CTPS1: variants seen among roughly 807,000 people sequenced by gnomAD.
CTPS1 encodes CTP synthase 1, also known as CTP synthetase 1.
In CTPS1, 25 loss-of-function variants were observed where a neutral mutation model predicts 80.5. The ratio of observed to expected loss-of-function variants is 0.31; its 90% confidence interval spans 0.23 to 0.43. The LOEUF (loss-of-function observed/expected upper bound fraction) is 0.43, where lower values mean the gene tolerates loss of function less well. Ranked by LOEUF, CTPS1 falls within the 20% of genes least tolerant of loss-of-function variation. The probability of loss-of-function intolerance (pLI) is 1.00; values close to 1 mark genes in which losing one functional copy is unlikely to be tolerated. For missense variants in CTPS1, 442 were observed against 725.7 expected (o/e 0.61, Z 4.49); for synonymous variants, 267 against 252.5 (o/e 1.06, Z -0.54).
At chr1:41,005,771 G>A (rs1370139181) in intron 12 of CTPS1, among the ~76,000 whole-genome samples, 1 of 152,100 alleles carries the variant, frequency 6.6e-6, no homozygotes, top group Non-Finnish European at 1.5e-5. Context: ...GGATGTGGTA[G>A]TGTGCCCCTG....
At chr1:40,987,221 C>T (rs1364731154) in intron 3 of CTPS1, 151 bp from the exon 4 acceptor site, 12 of 617,120 alleles carry the variant, frequency 1.9e-5, no homozygotes, top group Non-Finnish European at 3.2e-5. Context: ...TTGTTGAGGC[C>T]AGTTAAAGGG....
Position 40,983,365 on chromosome 1 carries a change from A to G in CTPS1, c.75A>G (p.Thr25=). The change falls in exon 2 of 19, where the codon ACA becomes ACG. Residue 25 remains threonine (T), a synonymous_variant. Coordinates refer to ENST00000650070, the MANE Select transcript of CTPS1 (RefSeq NM_001905.4). Reference sequence around the variant, plus strand: ...GAATCATTGCCAGCAGTGTGGGCACAATACTCAAGTCATGTGGTTTACATG... The same window carrying G: ...GAATCATTGCCAGCAGTGTGGGCACGATACTCAAGTCATGTGGTTTACATG... ...GKGIIASSVG[T]ILKSCGLHVT... The G allele has an allele frequency of 6.2e-7, 1 of 1,614,120 alleles. No individual in the cohort carries two copies. Among genetic ancestry groups the G allele is most frequent in the South Asian group, 1.1e-5 (1 of 91,084 alleles).
At chr1:41,006,707 G>A (rs566171941) in intron 13 of CTPS1, among the ~76,000 whole-genome samples, 11 of 152,184 alleles carry the variant, frequency 7.2e-5, no homozygotes, top group Non-Finnish European at 1.0e-4. Context: ...AAAGGGAAGG[G>A]CACTTATTTA....
intron 1 of CTPS1, among the ~76,000 whole-genome samples, chr1:40,982,328 T>C (rs1642331571): frequency 6.6e-6 from 1 of 152,208 alleles, no homozygotes; most frequent in African/African-American, 2.4e-5. Flanking sequence ...CAGTCTCTCT[T>C]CATTGCATGC....
intron 7 of CTPS1, among the ~76,000 whole-genome samples, chr1:40,993,031 ATTTAAG>A (rs924477034): frequency 9.3e-5 from 14 of 151,264 alleles, no homozygotes; most frequent in Admixed American, 5.3e-4. Flanking sequence ...GTATTTCCAC[ATTTAAG>A]TTTAAGTTTC....
intron 1 of CTPS1, among the ~76,000 whole-genome samples, chr1:40,982,975 T>C (rs1033158639): frequency 6.6e-6 from 1 of 152,230 alleles, no homozygotes; most frequent in African/African-American, 2.4e-5. Flanking sequence ...ATCAGCCAGC[T>C]TAGAGCTGGT....
intron 3 of CTPS1, among the ~76,000 whole-genome samples, chr1:40,986,937 C>T (rs377569926): frequency 6.6e-6 from 1 of 152,212 alleles, no homozygotes; most frequent in East Asian, 1.9e-4. Context: ...TGTGCTGGCT[C>T]ACTGCAGTGG....
At chr1:40,997,355 T>G in intron 8 of CTPS1, 39 bp from the exon 9 acceptor site, 1 of 1,602,724 alleles carries the variant, frequency 6.2e-7, no homozygotes, top group Non-Finnish European at 8.5e-7. Context: ...AGCGTGTACC[T>G]TCTGAGTAAT....
At chr1:40,985,116 C>A in intron 3 of CTPS1, 125 bp downstream of exon 3, 1 of 566,458 alleles carries the variant, frequency 1.8e-6, no homozygotes, top group Non-Finnish European at 2.7e-6. Context: ...GTGATTTCAG[C>A]ATGAAACTCT....
intron 1 of CTPS1, 137 bp downstream of exon 1, chr1:40,979,966 C>T (rs1427206140): frequency 1.3e-5 from 2 of 152,046 alleles, no homozygotes; most frequent in African/African-American, 4.8e-5. Flanking sequence ...CGAGGTGACT[C>T]GGCGTCCTGC....
At chr1:41,003,216 G>A (rs761779467) in intron 12 of CTPS1, 40 bp downstream of exon 12, 2 of 1,610,502 alleles carry the variant, frequency 1.2e-6, no homozygotes, top group East Asian at 2.2e-5. Context: ...TCCCGCTTGT[G>A]TATTTCTGGA....
chr1:41,009,646 C>T lies in CTPS1; in HGVS notation c.1691+57C>T, dbSNP rs75512103. ...AGTCTTCTCTAGTCCTTTAGGTGGTCGCTGATTCATTACAGCAACACGTCA... is the reference window on the plus strand; with the variant it reads ...AGTCTTCTCTAGTCCTTTAGGTGGTTGCTGATTCATTACAGCAACACGTCA... On this transcript the variant is annotated intron_variant, in intron 17 of 18. Transcript: ENST00000650070. 5.8e-4 allele frequency: 922 copies of T among 1,593,534 alleles called. 6 individuals are homozygous for T. The African/African-American group carries it at 0.011, about 19-fold the overall frequency.
At chr1:41,004,945 A>G (rs999160071) in intron 12 of CTPS1, among the ~76,000 whole-genome samples, 1 of 151,776 alleles carries the variant, frequency 6.6e-6, no homozygotes, top group East Asian at 1.9e-4. Flanking sequence ...CCTGGCCAAC[A>G]TGGAAAAACC....
chr1:41,007,707 A>G lies in CTPS1; in HGVS notation c.1393+162A>G, dbSNP rs931093543. ...TCTTATTCATACCCTTTTAGGATGCACTGTGATAGCCATAGAAGCAGTGTG... is the reference window on the plus strand; with the variant it reads ...TCTTATTCATACCCTTTTAGGATGCGCTGTGATAGCCATAGAAGCAGTGTG... On this transcript the variant is annotated intron_variant, in intron 14 of 18. Transcript: ENST00000650070. The surrounding 1 kb of genome is among the most constrained non-coding windows in gnomAD (Gnocchi z 4.4). Among the ~76,000 whole-genome samples the G allele has an allele frequency of 2.0e-5, 3 of 152,288 alleles. No homozygotes were observed. The highest frequency in any genetic ancestry group is 4.4e-5 in the Non-Finnish European group (3 of 68,020).
At chr1:40,996,202 A>G in intron 8 of CTPS1, 134 bp downstream of exon 8, 1 of 949,986 alleles carries the variant, frequency 1.1e-6, no homozygotes, top group South Asian at 1.5e-5. Flanking sequence ...CCTTTGTAGT[A>G]AGAGATGTTC....
At position 41,012,381 on chromosome 1, in the gene CTPS1, T is replaced by C. The variant is rs1270746791; in HGVS notation, c.*733T>C. 1 of 152,182 alleles carries C rather than the reference T, an allele frequency of 6.6e-6. No homozygotes were observed. The highest frequency in any genetic ancestry group is 6.5e-5 in the Admixed American group (1 of 15,280). 9.4% of individuals were successfully genotyped at this position (152,182 alleles called of 1,614,324 possible). A position where few individuals can be genotyped will look rare whatever the true frequency, so the allele number is the denominator to read the frequency against. On this transcript the variant is annotated 3_prime_UTR_variant, in exon 19 of 19. Transcript: ENST00000650070. ...AAACTTCCTCTAAAACCCTCTCATA[T>C]ATAGACAGCTTTGACTGGAGGGTCC...
At chr1:40,990,231 T>C (rs1028547889) in intron 5 of CTPS1, among the ~76,000 whole-genome samples, 3 of 152,196 alleles carry the variant, frequency 2.0e-5, no homozygotes, top group Non-Finnish European at 4.4e-5. Flanking sequence ...TCAGGGCCTT[T>C]ACAGAAAAAA....
At chr1:40,982,693 G>T (rs1459537165) in intron 1 of CTPS1, among the ~76,000 whole-genome samples, 3 of 152,204 alleles carry the variant, frequency 2.0e-5, no homozygotes, top group African/African-American at 4.8e-5. Flanking sequence ...CCCAGCCAGA[G>T]AACTACTTTT....
Position 41,007,358 on chromosome 1 carries a change from T to TA in CTPS1, c.1297-90dup. 2 of 1,045,966 alleles carry TA rather than the reference T, an allele frequency of 1.9e-6. No homozygotes were observed. The highest frequency in any genetic ancestry group is 2.9e-6 in the Non-Finnish European group (2 of 682,916). 64.8% of individuals were successfully genotyped at this position (1,045,966 alleles called of 1,614,324 possible). A position where few individuals can be genotyped will look rare whatever the true frequency, so the allele number is the denominator to read the frequency against. ...AAAGCCTGGAGAATTAGAGCTTACT[T>TA]ACAAGCCTTTGCCACCCACTCAGCG... is the stretch of plus-strand genomic sequence containing the variant. On this transcript the variant is annotated intron_variant, in intron 13 of 18. Coordinates refer to ENST00000650070, the MANE Select transcript of CTPS1 (RefSeq NM_001905.4). The surrounding 1 kb of genome is among the most constrained non-coding windows in gnomAD (Gnocchi z 4.4).
Sources: allele counts gnomAD v4.1 joint callset (sites outside exome capture counted in the v4.1 genomes callset), GRCh38; gene constraint gnomAD v4.1.1; non-coding constraint Gnocchi (gnomAD v3.1); transcripts MANE v1.5; gene names NCBI Gene and HGNC (gene_info 2026-07-23, HGNC 2026-07-21).